The following HECW2 variants were observed in gnomAD, a reference collection of about 807,000 sequenced individuals.
HECW2 encodes the protein E3 ubiquitin-protein ligase HECW2.
A neutral mutation model predicts 175.2 loss-of-function variants in HECW2; 61 were observed. The ratio of observed to expected loss-of-function variants is 0.35; its 90% confidence interval spans 0.28 to 0.43. The LOEUF (loss-of-function observed/expected upper bound fraction) is 0.43. HECW2 is among the 20% of genes least tolerant of loss of function. The probability of loss-of-function intolerance (pLI) is 1.00; values close to 1 mark genes in which losing one functional copy is unlikely to be tolerated. For synonymous variants in HECW2, 671 were observed against 731.0 expected (o/e 0.92, Z 1.32); for missense variants, 1,524 against 2,000.5 (o/e 0.76, Z 4.54).
At chr2:196,249,918 T>C (rs533622489) in intron 19 of HECW2, among the ~76,000 whole-genome samples, 1 of 152,344 alleles carries the variant, frequency 6.6e-6, no homozygotes, top group East Asian at 1.9e-4. Flanking sequence ...TTGGAAAATG[T>C]TTAACTCTAA....
Position 196,254,144 on chromosome 2 carries a change from A to T in HECW2, c.3420-115T>A, listed in dbSNP as rs1688961266. The stretch of plus-strand genomic sequence containing the variant: ...ATCCGGTTTATATCCCAAAGAGAGC[A>T]TCCGCCCCCTTTCTCTTGCAGGTAA... On this transcript the variant is annotated intron_variant, in intron 18 of 28. Coordinates refer to ENST00000644978, the MANE Select transcript of HECW2 (RefSeq NM_001348768.2). The T allele has an allele frequency of 2.1e-6, 3 of 1,420,810 alleles. No homozygotes were observed. In the East Asian group the frequency reaches 7.8e-5, roughly 37 times the overall value. The allele number at this position is 1,420,810 out of a possible 1,614,324, so 88.0% of individuals were successfully genotyped here.
chr2:196,483,466 G>A (rs1686909435), intron 1 of HECW2, among the ~76,000 whole-genome samples: 1 of 152,176 alleles, frequency 6.6e-6, no homozygotes, highest in Admixed American at 6.5e-5. Context: ...TGCTGAGTGG[G>A]ACAGGGAGGA....
chr2:196,292,669 G>A lies in HECW2; in HGVS notation c.2896C>T (p.Arg966Cys), dbSNP rs750085441. ...ACAAGGTCGCGGTTATGCTGGTAGC[G>A]TTCAAAGTGGTGGGTGTCCCTCCGG... ...KVRRDTHHFE[R>C]YQHNRDLVGF... The change falls in exon 14 of 29, where the codon CGC (arginine) becomes TGC (cysteine). Residue 966 changes from arginine to cysteine, a missense_variant. Coordinates refer to ENST00000644978, the MANE Select transcript of HECW2 (RefSeq NM_001348768.2). 1.3e-5 allele frequency: 21 copies of A among 1,614,036 alleles called. No individual in the cohort carries two copies. Among genetic ancestry groups the A allele is most frequent in the Non-Finnish European group, 1.5e-5 (18 of 1,179,990 alleles).
At chr2:196,476,359 C>T (rs972361824) in intron 1 of HECW2, among the ~76,000 whole-genome samples, 4 of 151,542 alleles carry the variant, frequency 2.6e-5, no homozygotes, top group African/African-American at 4.9e-5. Flanking sequence ...ACTAGAATCA[C>T]TTGAACCCAG....
Position 196,195,453 on chromosome 2 carries a change from T to G in HECW2, c.*5824A>C, listed in dbSNP as rs1464902945. On this transcript the variant is annotated 3_prime_UTR_variant, in exon 29 of 29. Coordinates refer to ENST00000644978, the MANE Select transcript of HECW2 (RefSeq NM_001348768.2). ...CAGAAACCATACAACTAGGGCCATC[T>G]TATTCTGCTGAGCTGTTCAATTACG... is the stretch of plus-strand genomic sequence containing the variant. 6.6e-6 allele frequency: 1 copy of G among 152,258 alleles called. No homozygotes were observed. The highest frequency in any genetic ancestry group is 2.4e-5 in the African/African-American group (1 of 41,466). 9.4% of individuals were successfully genotyped at this position (152,258 alleles called of 1,614,324 possible). A position where few individuals can be genotyped will look rare whatever the true frequency, so the allele number is the denominator to read the frequency against.
intron 1 of HECW2, among the ~76,000 whole-genome samples, chr2:196,458,796 G>A (rs1383901628): frequency 6.6e-6 from 1 of 152,158 alleles, no homozygotes; most frequent in East Asian, 1.9e-4. Context: ...AACCCAGGAG[G>A]AGGAGGTTGC....
intron 2 of HECW2, among the ~76,000 whole-genome samples, chr2:196,383,786 G>A (rs12693790): frequency 0.98 from 148,928 of 152,292 alleles, 72,900 homozygotes; most frequent in East Asian, 1. Flanking sequence ...AAATCATTCA[G>A]TAGTGGCCCT....
chr2:196,384,525 T>C (rs973705335), intron 2 of HECW2, among the ~76,000 whole-genome samples: 3 of 152,074 alleles, frequency 2.0e-5, no homozygotes, highest in Non-Finnish European at 2.9e-5. Context: ...GATGCTGCAG[T>C]GAGCCGAGAC....
At chr2:196,270,696 T>C (rs1202586838) in intron 17 of HECW2, among the ~76,000 whole-genome samples, 1 of 118,290 alleles carries the variant, frequency 8.5e-6, no homozygotes, top group Non-Finnish European at 1.8e-5. Context: ...GTTGATTTTA[T>C]TCACCTTTAT....
intron 1 of HECW2, among the ~76,000 whole-genome samples, chr2:196,577,084 G>A (rs1214250667): frequency 6.6e-6 from 1 of 152,292 alleles, no homozygotes; most frequent in East Asian, 1.9e-4. Context: ...AAGGAAAAGA[G>A]ATAATGATAG....
intron 1 of HECW2, among the ~76,000 whole-genome samples, chr2:196,459,840 C>T (rs1315220689): frequency 3.3e-5 from 5 of 152,138 alleles, no homozygotes; most frequent in African/African-American, 1.2e-4. Context: ...CCGAAAATTC[C>T]ACCCTGGATC....
intron 19 of HECW2, among the ~76,000 whole-genome samples, chr2:196,250,840 G>A (rs1420239445): frequency 1.3e-5 from 2 of 151,878 alleles, no homozygotes; most frequent in African/African-American, 4.8e-5. Context: ...CCTAACTACT[G>A]TTCTATTTTG....
intron 1 of HECW2, among the ~76,000 whole-genome samples, chr2:196,579,963 A>G (rs963294357): frequency 1.3e-4 from 20 of 152,310 alleles, no homozygotes; most frequent in Admixed American, 2.0e-4. Flanking sequence ...AGAGTGTGGT[A>G]TTTTCTATGA....
chr2:196,340,467 C>T (rs911130570), intron 3 of HECW2, among the ~76,000 whole-genome samples: 1 of 151,788 alleles, frequency 6.6e-6, no homozygotes, highest in Non-Finnish European at 1.5e-5. Flanking sequence ...CATGGTGATG[C>T]ATACCTGTAA....
intron 1 of HECW2, among the ~76,000 whole-genome samples, chr2:196,484,687 C>A (rs1352650552): frequency 6.6e-6 from 1 of 152,098 alleles, no homozygotes; most frequent in African/African-American, 2.4e-5. Context: ...TTGGGTACAA[C>A]CTATTTTGGT....
chr2:196,403,914 C>T lies in HECW2; in HGVS notation c.292+29218G>A, dbSNP rs372209175. On this transcript the variant is annotated intron_variant, in intron 2 of 28. Transcript: ENST00000644978. ...ATTTCAGGCCTGTTACATATTTCAG[C>T]ATCACACTGCCAACCTTCTCTATAG... is the stretch of plus-strand genomic sequence containing the variant. Among the ~76,000 whole-genome samples, 96 of 152,206 alleles carry T rather than the reference C, an allele frequency of 6.3e-4. 1 individual carries two copies. Among genetic ancestry groups the T allele is most frequent in the Non-Finnish European group, 1.6e-4 (11 of 68,044 alleles).
At chr2:196,545,660 T>C (rs990167397) in intron 1 of HECW2, among the ~76,000 whole-genome samples, 2 of 152,202 alleles carry the variant, frequency 1.3e-5, no homozygotes, top group African/African-American at 4.8e-5. Context: ...TCTGAAACCA[T>C]GCTCTTACAT....
In HECW2 at chr2:196,319,040, C is replaced by T; in HGVS notation, c.1850G>A (p.Ser617Asn). The change falls in exon 9 of 29, where the codon AGT becomes AAT. Residue 617 changes from serine to asparagine, a missense_variant. By Grantham distance (46) the Ser-to-Asn change is conservative (BLOSUM62 1). Coordinates refer to ENST00000644978, the MANE Select transcript of HECW2 (RefSeq NM_001348768.2). ...CACACTCTCTGTCCTGGCAGGATCA[C>T]TGGGTTCTGTTTCAGAGGACACCTG... ...PSQVSSETEP[S>N]DPARTESVSE... 6.2e-7 allele frequency: 1 copy of T among 1,613,830 alleles called. No homozygotes were observed. The highest frequency in any genetic ancestry group is 8.5e-7 in the Non-Finnish European group (1 of 1,179,902).
intron 1 of HECW2, chr2:196,586,476 T>G (rs1355561641): frequency 6.6e-6 from 1 of 152,222 alleles, no homozygotes. Context: ...AGTCTTACAC[T>G]CACTGCCCAT....
Sources: allele counts gnomAD v4.1 joint callset (sites outside exome capture counted in the v4.1 genomes callset), GRCh38; gene constraint gnomAD v4.1.1; transcripts MANE v1.5; gene names NCBI Gene and HGNC (gene_info 2026-07-23, HGNC 2026-07-21).